The following PLB1 variants were observed in gnomAD, a reference collection of about 807,000 sequenced individuals.
The protein encoded by PLB1 is phospholipase B1, membrane-associated.
Under a neutral mutation model 227.4 loss-of-function variants are expected in PLB1, and 242 were observed. The ratio of observed to expected loss-of-function variants is 1.06; its 90% confidence interval spans 0.96 to 1.18. PLB1 has a LOEUF of 1.18. PLB1 is among the 50% of genes most tolerant of loss of function. The pLI is 0.00. For missense variants in PLB1, 1,858 were observed against 1,816.3 expected (o/e 1.02, Z -0.42); for synonymous variants, 757 against 682.2 (o/e 1.11, Z -1.71).
intron 23 of PLB1, among the ~76,000 whole-genome samples, chr2:28,580,439 G>A (rs907892751): frequency 2.6e-5 from 4 of 152,242 alleles, no homozygotes; most frequent in Non-Finnish European, 5.9e-5. Flanking sequence ...AGTTGGCTGG[G>A]TGTGGTGGCT....
intron 56 of PLB1, among the ~76,000 whole-genome samples, chr2:28,633,806 C>T (rs1018235323): frequency 6.6e-6 from 1 of 152,242 alleles, no homozygotes; most frequent in Non-Finnish European, 1.5e-5. Context: ...GCCTTCCCAA[C>T]CCAATGGTTT....
In PLB1 at chr2:28,552,974, A is replaced by C. The variant is rs754950345; in HGVS notation, c.1130A>C (p.Asp377Ala). 6.2e-7 allele frequency: 1 copy of C among 1,613,836 alleles called. No individual in the cohort carries two copies. ...EIRCPDKDPSDTVPTSVHRLK... is the reference protein window; with the variant it reads ...EIRCPDKDPSATVPTSVHRLK... ...AGATGTCCTGACAAAGACCCCTCCGATACGGTTCCCACCTCAGGTACACAG... is the reference window on the plus strand; with the variant it reads ...AGATGTCCTGACAAAGACCCCTCCGCTACGGTTCCCACCTCAGGTACACAG... Residue 377 changes from aspartate to alanine, a missense_variant, in exon 17 of 58, where the codon GAT (aspartate) becomes GCT (alanine). Coordinates refer to ENST00000327757, the MANE Select transcript of PLB1 (RefSeq NM_153021.5).
At chr2:28,641,123 G>A (rs549475970) in intron 57 of PLB1, 122 bp downstream of exon 57, 76 of 898,480 alleles carry the variant, frequency 8.5e-5, no homozygotes, top group Admixed American at 3.2e-4. Flanking sequence ...ACTCACTGCC[G>A]TCTTCTCAAA....
At chr2:28,499,366 T>G (rs1379009450) in intron 1 of PLB1, among the ~76,000 whole-genome samples, 1 of 152,138 alleles carries the variant, frequency 6.6e-6, no homozygotes, top group Admixed American at 6.6e-5. Context: ...AGTTCTCTAT[T>G]GCTTTGTAAC....
At chr2:28,557,828 G>A (rs1275299423) in intron 17 of PLB1, among the ~76,000 whole-genome samples, 1 of 152,162 alleles carries the variant, frequency 6.6e-6, no homozygotes, top group Non-Finnish European at 1.5e-5. Flanking sequence ...GTATTTCTAA[G>A]CTGTGTGTGT....
intron 49 of PLB1, among the ~76,000 whole-genome samples, chr2:28,621,916 G>T (rs1687108874): frequency 1.3e-5 from 2 of 152,118 alleles, no homozygotes; most frequent in African/African-American, 4.8e-5. Context: ...TTTTCCAGGA[G>T]GTGATTTCTC....
chr2:28,589,932 C>A, intron 28 of PLB1, 73 bp from the exon 29 acceptor site: 1 of 1,463,396 alleles, frequency 6.8e-7, no homozygotes, highest in South Asian at 1.1e-5. Flanking sequence ...CTCCCGCACC[C>A]CTGACCTGCG....
At chr2:28,527,215 C>A (rs1480245545) in intron 6 of PLB1, among the ~76,000 whole-genome samples, 2 of 152,196 alleles carry the variant, frequency 1.3e-5, no homozygotes, top group African/African-American at 4.8e-5. Flanking sequence ...TGCCCTGTTA[C>A]AAGTCTGAGT....
At chr2:28,640,786 T>C (rs1021196444) in intron 56 of PLB1, 141 bp from the exon 57 acceptor site, 2 of 788,524 alleles carry the variant, frequency 2.5e-6, no homozygotes, top group Non-Finnish European at 4.1e-6. Context: ...GTCCCTGCTG[T>C]GGGCCAAAAA....
At chr2:28,530,456 A>G (rs1371164071) in intron 8 of PLB1, among the ~76,000 whole-genome samples, 3 of 152,218 alleles carry the variant, frequency 2.0e-5, no homozygotes, top group Non-Finnish European at 4.4e-5. Context: ...ATACATAACA[A>G]TGCAAGCTAC....
intron 20 of PLB1, among the ~76,000 whole-genome samples, chr2:28,570,694 A>G (rs1677865481): frequency 6.6e-6 from 1 of 152,172 alleles, no homozygotes; most frequent in Non-Finnish European, 1.5e-5. Context: ...GCTGAGGCAT[A>G]AGAATAGCTT....
rs1364379081 is a variant in PLB1 at position 28,552,992 on chromosome 2, G to C, written c.1147+1G>C. 1.2e-6 allele frequency: 2 copies of C among 1,612,770 alleles called. No individual in the cohort carries two copies. The highest frequency in any genetic ancestry group is 1.7e-5 in the Admixed American group (1 of 59,998). On this transcript the variant is annotated splice_donor_variant, in intron 17 of 57. Coordinates refer to ENST00000327757, the MANE Select transcript of PLB1 (RefSeq NM_153021.5). LOFTEE classifies it high-confidence loss of function. Reference sequence around the variant, plus strand: ...CCCTCCGATACGGTTCCCACCTCAGGTACACAGCTTGCACCCAGTGATTTT... The same window carrying C: ...CCCTCCGATACGGTTCCCACCTCAGCTACACAGCTTGCACCCAGTGATTTT...
chr2:28,600,619 G>A (rs7590311), intron 35 of PLB1, among the ~76,000 whole-genome samples, 190 bp from the exon 36 acceptor site: 99 of 152,272 alleles, frequency 6.5e-4, no homozygotes, highest in African/African-American at 2.2e-3. Context: ...CACATCATTG[G>A]CTTTTCAAAT....
rs930192306 is a variant in PLB1 at position 28,525,363 on chromosome 2, ATCT to A, written c.284+61_284+63del. Reference sequence around the variant, plus strand: ...AGGAGCCCGGAGATGCTCCCATCTAATCTTCTTGCCTTATTAATGGGAAAGATT... The same window carrying A: ...AGGAGCCCGGAGATGCTCCCATCTAATCTTGCCTTATTAATGGGAAAGATT... On this transcript the variant is annotated intron_variant, in intron 5 of 57. Coordinates refer to ENST00000327757, the MANE Select transcript of PLB1 (RefSeq NM_153021.5). 11 of 1,554,316 alleles carry A rather than the reference ATCT, an allele frequency of 7.1e-6. No individual in the cohort carries two copies. In the African/African-American group the frequency reaches 1.2e-4, roughly 17 times the overall value.
At chr2:28,555,932 G>A (rs747740735) in intron 17 of PLB1, among the ~76,000 whole-genome samples, 4 of 146,056 alleles carry the variant, frequency 2.7e-5, no homozygotes, top group Non-Finnish European at 5.9e-5. Flanking sequence ...GTAGTGGTGC[G>A]ATCTCACCTC....
intron 35 of PLB1, 120 bp downstream of exon 35, chr2:28,598,880 A>T: frequency 2.4e-6 from 2 of 821,434 alleles, no homozygotes; most frequent in Non-Finnish European, 4.2e-6. Context: ...TGTGAGGCTC[A>T]GGCTGCCCTC....
intron 12 of PLB1, among the ~76,000 whole-genome samples, chr2:28,541,319 T>TG (rs1194293550): frequency 1.3e-5 from 2 of 152,230 alleles, no homozygotes; most frequent in Admixed American, 6.5e-5. Context: ...AAATTGCATT[T>TG]GAAGTTGCAT....
In PLB1 at chr2:28,573,314, G is replaced by C. The variant is rs748124267; in HGVS notation, c.1433+9G>C. 1.2e-6 allele frequency: 2 copies of C among 1,603,298 alleles called. No homozygotes were observed. The highest frequency in any genetic ancestry group is 2.7e-5 in the African/African-American group (2 of 74,692). ...GCAGGAGGCCGAGCTGAGTAAGCAG[G>C]GGTGACCGGGGCGGTGAACAGCACA... On this transcript the variant is annotated intron_variant, in intron 21 of 57. Coordinates refer to ENST00000327757, the MANE Select transcript of PLB1 (RefSeq NM_153021.5).
intron 25 of PLB1, among the ~76,000 whole-genome samples, chr2:28,585,032 C>G (rs4666103): frequency 6.6e-6 from 1 of 152,100 alleles, no homozygotes; most frequent in South Asian, 2.1e-4. Flanking sequence ...GGTTAATACC[C>G]ATAAAGTTTT....
Sources: gnomAD v4.1 joint callset for allele counts (sites outside exome capture counted in the v4.1 genomes callset) on GRCh38, gnomAD v4.1.1 for gene constraint, MANE v1.5 for transcripts, NCBI Gene and HGNC (gene_info 2026-07-23, HGNC 2026-07-21) for gene names.